The following BAZ2B variants were observed in gnomAD, a reference collection of about 807,000 sequenced individuals.
BAZ2B encodes the protein bromodomain adjacent to zinc finger domain 2B.
A neutral mutation model predicts 246.0 loss-of-function variants in BAZ2B; 91 were observed. That is an observed-to-expected ratio of 0.37 (90% CI 0.31 to 0.44). The LOEUF (loss-of-function observed/expected upper bound fraction) is 0.44, where lower values mean the gene tolerates loss of function less well. BAZ2B is among the 20% of genes least tolerant of loss of function. The pLI is 1.00. For synonymous variants in BAZ2B, 855 were observed against 860.0 expected (o/e 0.99, Z 0.10); for missense variants, 2,332 against 2,533.7 (o/e 0.92, Z 1.71).
At chr2:159,369,439 G>A (rs945053238) in intron 27 of BAZ2B, among the ~76,000 whole-genome samples, 1 of 152,158 alleles carries the variant, frequency 6.6e-6, no homozygotes, top group Non-Finnish European at 1.5e-5. Flanking sequence ...TAAGGTTTCA[G>A]AGTAGAGACA....
At chr2:159,577,654 G>A (rs1344724137) in intron 1 of BAZ2B, among the ~76,000 whole-genome samples, 1 of 152,038 alleles carries the variant, frequency 6.6e-6, no homozygotes, top group Non-Finnish European at 1.5e-5. Context: ...TGACAGCCTA[G>A]GGAAAGATGA....
chr2:159,474,774 T>C (rs886818900), intron 3 of BAZ2B, among the ~76,000 whole-genome samples: 2 of 152,192 alleles, frequency 1.3e-5, no homozygotes, highest in African/African-American at 4.8e-5. Context: ...TCTCTTAGCA[T>C]TTGCTTGTCT....
At position 159,355,341 on chromosome 2, in the gene BAZ2B, T is replaced by C. The variant is rs79824772; in HGVS notation, c.4214-4984A>G. 8.3e-4 allele frequency among the ~76,000 whole-genome samples: 127 copies of C among 152,108 alleles called. 1 individual carries two copies. In the East Asian group the frequency reaches 0.023, roughly 27 times the overall value. On this transcript the variant is annotated intron_variant, in intron 27 of 36. Coordinates refer to ENST00000392783, the MANE Select transcript of BAZ2B (RefSeq NM_013450.4). ...CTCCTAGGAAGCATCTTGAAGATAG[T>C]GGAAGGAAGATGCTAGGAAGCATCT...
intron 3 of BAZ2B, among the ~76,000 whole-genome samples, chr2:159,455,231 C>T (rs2075587856): frequency 6.6e-6 from 1 of 151,380 alleles, no homozygotes; most frequent in African/African-American, 2.5e-5. Flanking sequence ...ATTTAGTTAT[C>T]AACCAAATCT....
intron 1 of BAZ2B, among the ~76,000 whole-genome samples, chr2:159,562,307 C>T (rs1283290278): frequency 1.3e-5 from 2 of 152,188 alleles, no homozygotes; most frequent in Non-Finnish European, 2.9e-5. Flanking sequence ...GAGATGACAA[C>T]TTCATTGTTT....
At chr2:159,377,456 C>A (rs1043980626) in intron 25 of BAZ2B, among the ~76,000 whole-genome samples, 1 of 152,078 alleles carries the variant, frequency 6.6e-6, no homozygotes, top group African/African-American at 2.4e-5. Flanking sequence ...ACATTACTAA[C>A]AAGGATCTAC....
chr2:159,442,787 A>G (rs1190112426), intron 6 of BAZ2B, among the ~76,000 whole-genome samples: 1 of 152,154 alleles, frequency 6.6e-6, no homozygotes, highest in African/African-American at 2.4e-5. Flanking sequence ...GGTTTACTTC[A>G]CTTTGTATAA....
intron 1 of BAZ2B, among the ~76,000 whole-genome samples, chr2:159,596,089 C>T (rs1399761527): frequency 1.3e-5 from 2 of 152,016 alleles, no homozygotes; most frequent in Non-Finnish European, 2.9e-5. Flanking sequence ...AATCACAGCT[C>T]GGTATGTGCA....
intron 3 of BAZ2B, among the ~76,000 whole-genome samples, chr2:159,467,425 C>T (rs1444711579): frequency 2.0e-5 from 3 of 152,096 alleles, no homozygotes; most frequent in Non-Finnish European, 4.4e-5. Flanking sequence ...GCCTTTCCCC[C>T]CCAGGTTTCT....
chr2:159,595,872 T>C (rs901322863), intron 1 of BAZ2B, among the ~76,000 whole-genome samples: 1 of 152,274 alleles, frequency 6.6e-6, no homozygotes, highest in African/African-American at 2.4e-5. Context: ...CAGCTATTTC[T>C]GTACCTCACT....
chr2:159,505,257 A>C (rs375118008), intron 2 of BAZ2B, among the ~76,000 whole-genome samples: 23 of 152,270 alleles, frequency 1.5e-4, no homozygotes, highest in African/African-American at 5.3e-4. Flanking sequence ...TGTAAAATGA[A>C]TTTTTTACTT....
intron 35 of BAZ2B, among the ~76,000 whole-genome samples, 154 bp from the exon 36 acceptor site, chr2:159,325,108 ATATATATTT>A (rs1365005369): frequency 0.032 from 70 of 2,170 alleles, 12 homozygotes; most frequent in South Asian, 0.071. Context: ...ATATATATAT[ATATATATTT>A]TATATATATA....
At chr2:159,653,039 G>A in the BAZ2B span, among the ~76,000 whole-genome samples, 1 of 152,010 alleles carries the variant, frequency 6.6e-6, no homozygotes, top group Non-Finnish European at 1.5e-5. Context: ...CTGGGTTCAA[G>A]TGATTCTCCT....
intron 3 of BAZ2B, among the ~76,000 whole-genome samples, chr2:159,473,695 T>C (rs561219540): frequency 3.3e-5 from 5 of 152,342 alleles, no homozygotes; most frequent in East Asian, 3.9e-4. Context: ...TTTGTGGGCA[T>C]TTAGTGCTAT....
intron 8 of BAZ2B, 46 bp from the exon 9 acceptor site, chr2:159,433,409 C>G: frequency 6.5e-7 from 1 of 1,527,566 alleles, no homozygotes; most frequent in Non-Finnish European, 8.8e-7. Context: ...TACCACAAAA[C>G]AAAGATTGCT....
the BAZ2B span, among the ~76,000 whole-genome samples, chr2:159,688,770 C>A: frequency 8.1e-3 from 1,230 of 152,230 alleles, 21 homozygotes; most frequent in African/African-American, 0.028. Context: ...AAAGTACAAA[C>A]CATTTATTTT....
At chr2:159,428,462 A>C in intron 11 of BAZ2B, 43 bp from the exon 12 acceptor site, 1 of 1,456,492 alleles carries the variant, frequency 6.9e-7, no homozygotes. Flanking sequence ...CTTAATTTCA[A>C]GAAAGCTTTT....
intron 1 of BAZ2B, among the ~76,000 whole-genome samples, chr2:159,597,517 G>GT (rs1691009398): frequency 6.6e-6 from 1 of 152,168 alleles, no homozygotes; most frequent in South Asian, 2.1e-4. Flanking sequence ...TATGAAACAG[G>GT]TAAGGTCTTA....
At chr2:159,318,084 T>G (rs3670), downstream of BAZ2B, among the ~76,000 whole-genome samples, 20 of 152,274 alleles carry the variant, frequency 1.3e-4, no homozygotes, top group East Asian at 3.7e-3. Flanking sequence ...TATGAGCCCC[T>G]GAGGCACCAG....
Sources: gnomAD v4.1 joint callset for allele counts (sites outside exome capture counted in the v4.1 genomes callset) on GRCh38, gnomAD v4.1.1 for gene constraint, MANE v1.5 for transcripts, NCBI Gene and HGNC (gene_info 2026-07-23, HGNC 2026-07-21) for gene names.